CADM2: variants seen among roughly 807,000 people sequenced by gnomAD.
CADM2 encodes the protein immunoglobulin superfamily member 4D.
CADM2 carries 12 observed loss-of-function variants against 49.8 expected under a neutral mutation model. The observed-to-expected ratio is 0.24, with a 90% confidence interval of 0.15 to 0.39. CADM2 has a LOEUF of 0.39. Ranked by LOEUF, CADM2 falls within the 10% of genes least tolerant of loss-of-function variation. CADM2 has a pLI of 1.00. For synonymous variants in CADM2, 214 were observed against 175.4 expected (o/e 1.22, Z -1.74); for missense variants, 378 against 492.3 (o/e 0.77, Z 2.20).
chr3:85,210,443 A>G (rs1399717716), intron 1 of CADM2, among the ~76,000 whole-genome samples: 4 of 151,708 alleles, frequency 2.6e-5, no homozygotes, highest in African/African-American at 9.7e-5. Flanking sequence ...TCATTTTTTG[A>G]TGTCTGTTTG....
chr3:85,070,668 ATAC>A (rs2036698162), intron 1 of CADM2, among the ~76,000 whole-genome samples: 1 of 152,174 alleles, frequency 6.6e-6, no homozygotes, highest in East Asian at 1.9e-4. Context: ...CGTAAGACTA[ATAC>A]TATAAATATG....
intron 1 of CADM2, among the ~76,000 whole-genome samples, chr3:85,462,539 GTAAC>G (rs1403686716): frequency 6.6e-6 from 1 of 152,082 alleles, no homozygotes; most frequent in Non-Finnish European, 1.5e-5. Flanking sequence ...CTTCAACAGA[GTAAC>G]TCATCACTCT....
At position 86,071,822 on chromosome 3, in the gene CADM2, C is replaced by T. The variant is rs920852569; in HGVS notation, c.*5039C>T. 6.6e-6 allele frequency: 1 copy of T among 151,834 alleles called. No homozygotes were observed. The highest frequency in any genetic ancestry group is 1.5e-5 in the Non-Finnish European group (1 of 67,828). The allele number at this position is 151,834 out of a possible 1,614,324, so 9.4% of individuals were successfully genotyped here. A position where few individuals can be genotyped will look rare whatever the true frequency, so the allele number is the denominator to read the frequency against. Reference sequence around the variant, plus strand: ...TCCTTCTCCTGCCTATTTAATATTTCAATGTTAATATAATTGTATTGGTTT... The same window carrying T: ...TCCTTCTCCTGCCTATTTAATATTTTAATGTTAATATAATTGTATTGGTTT... On this transcript the variant is annotated 3_prime_UTR_variant, in exon 10 of 10. Coordinates refer to ENST00000383699, the MANE Select transcript of CADM2 (RefSeq NM_001167675.2).
chr3:85,148,707 C>A (rs2039826857), intron 1 of CADM2, among the ~76,000 whole-genome samples: 1 of 152,042 alleles, frequency 6.6e-6, no homozygotes, highest in African/African-American at 2.4e-5. Flanking sequence ...ATAACATAAA[C>A]AGTTGGTTGT....
At chr3:84,980,457 A>G (rs1015142247) in intron 1 of CADM2, among the ~76,000 whole-genome samples, 36 of 152,130 alleles carry the variant, frequency 2.4e-4, no homozygotes, top group African/African-American at 8.2e-4. Context: ...CAAGTAAACT[A>G]TTTAGTCACA....
chr3:85,251,252 A>G (rs992900647), intron 1 of CADM2, among the ~76,000 whole-genome samples: 8 of 151,790 alleles, frequency 5.3e-5, no homozygotes, highest in African/African-American at 1.7e-4. Flanking sequence ...AGCATGTCCA[A>G]ATTTTACCTT....
At chr3:85,960,564 G>A (rs1724684636) in intron 7 of CADM2, among the ~76,000 whole-genome samples, 1 of 152,002 alleles carries the variant, frequency 6.6e-6, no homozygotes, top group South Asian at 2.1e-4. Context: ...ATTCATCAAA[G>A]TGTTCTTTTG....
intron 1 of CADM2, among the ~76,000 whole-genome samples, chr3:85,601,755 T>G (rs956329558): frequency 5.9e-5 from 9 of 151,878 alleles, no homozygotes; most frequent in South Asian, 2.1e-4. Flanking sequence ...TCTTTCTTTG[T>G]GTTCATTTAC....
intron 1 of CADM2, among the ~76,000 whole-genome samples, chr3:85,285,247 T>C (rs2043605752): frequency 6.6e-6 from 1 of 152,080 alleles, no homozygotes; most frequent in African/African-American, 2.4e-5. Context: ...CAGAGGCAAA[T>C]TTCATTCTGC....
At chr3:85,292,570 T>A (rs1324085205) in intron 1 of CADM2, among the ~76,000 whole-genome samples, 15 of 150,616 alleles carry the variant, frequency 1.0e-4, no homozygotes, top group South Asian at 8.4e-4. Flanking sequence ...GTAAAAGAAC[T>A]GAAATTATAA....
At chr3:85,462,091 C>T (rs1009498054) in intron 1 of CADM2, among the ~76,000 whole-genome samples, 1 of 152,104 alleles carries the variant, frequency 6.6e-6, no homozygotes, top group Non-Finnish European at 1.5e-5. Context: ...CCATTTAACT[C>T]CCTTTGTTCT....
At chr3:85,147,826 AAAG>A (rs2039800050) in intron 1 of CADM2, among the ~76,000 whole-genome samples, 1 of 152,160 alleles carries the variant, frequency 6.6e-6, no homozygotes, top group Admixed American at 6.5e-5. Context: ...GGAGATTTAA[AAAG>A]GAGGAACCAG....
At chr3:85,102,471 T>A (rs1178348362) in intron 1 of CADM2, among the ~76,000 whole-genome samples, 1 of 152,188 alleles carries the variant, frequency 6.6e-6, no homozygotes, top group African/African-American at 2.4e-5. Context: ...ACCTCCTTTT[T>A]AACCTCTAGC....
chr3:85,625,373 GA>G (rs2064094580), intron 1 of CADM2, among the ~76,000 whole-genome samples: 1 of 151,390 alleles, frequency 6.6e-6, no homozygotes, highest in East Asian at 1.9e-4. Context: ...GGTTTTTAGT[GA>G]AAAAAGAAAA....
intron 5 of CADM2, among the ~76,000 whole-genome samples, chr3:85,908,898 G>A (rs1717180831): frequency 6.6e-6 from 1 of 151,860 alleles, no homozygotes; most frequent in Non-Finnish European, 1.5e-5. Context: ...CTAATTTTTT[G>A]TATTTTTAGT....
chr3:85,100,803 A>C (rs2037982267), intron 1 of CADM2, among the ~76,000 whole-genome samples: 1 of 152,242 alleles, frequency 6.6e-6, no homozygotes. Context: ...TTTTAAGTGC[A>C]TGTAATTCAA....
At position 85,958,251 on chromosome 3, in the gene CADM2, C is replaced by A. The variant is rs141737924; in HGVS notation, c.792-3218C>A. Among the ~76,000 whole-genome samples the A allele has an allele frequency of 2.1e-3, 322 of 152,058 alleles. 1 individual carries two copies. The highest frequency in any genetic ancestry group is 3.0e-3 in the Non-Finnish European group (203 of 67,952). On this transcript the variant is annotated intron_variant, in intron 7 of 9. Transcript: ENST00000383699. ...GAAAATCAAAACCACAATGAGGTAC[C>A]ATCTCACACCAGTCAGAATGGCGAT...
intron 1 of CADM2, among the ~76,000 whole-genome samples, chr3:85,122,438 G>A (rs925308333): frequency 1.1e-4 from 16 of 152,032 alleles, no homozygotes; most frequent in African/African-American, 3.6e-4. Flanking sequence ...CACTATTTAT[G>A]TAATTTTCAT....
intron 1 of CADM2, among the ~76,000 whole-genome samples, chr3:85,049,900 A>C (rs571694558): frequency 6.6e-6 from 1 of 152,204 alleles, no homozygotes; most frequent in South Asian, 2.1e-4. Flanking sequence ...CCTTATACTC[A>C]GGCTGCTACA....
Sources: gnomAD v4.1 joint callset for allele counts (sites outside exome capture counted in the v4.1 genomes callset) on GRCh38, gnomAD v4.1.1 for gene constraint, MANE v1.5 for transcripts, NCBI Gene and HGNC (gene_info 2026-07-23, HGNC 2026-07-21) for gene names.